The following PNLIPRP3 variants were observed in gnomAD, a reference collection of about 807,000 sequenced individuals.
PNLIPRP3 encodes pancreatic lipase-related protein 3.
A neutral mutation model predicts 52.8 loss-of-function variants in PNLIPRP3; 58 were observed. The observed-to-expected ratio is 1.10, with a 90% CI of 0.89 to 1.37. The LOEUF is 1.37. Among genes scored for constraint, PNLIPRP3 ranks in the 40% most tolerant of loss-of-function variants. PNLIPRP3 has a pLI of 0.00. For missense variants in PNLIPRP3, 593 were observed against 561.6 expected (o/e 1.06, Z -0.57); for synonymous variants, 192 against 185.0 (o/e 1.04, Z -0.31).
Position 116,461,269 on chromosome 10 carries a change from A to G in PNLIPRP3, c.787A>G (p.Asn263Asp). ...CTTAATTACACCTTTACTGAAATTT[A>G]ACTTCAATGCTTACAAAAAAGGTAA... is the stretch of plus-strand genomic sequence containing the variant. ...EDLITPLLKF[N>D]FNAYKKEMAS... Residue 263 changes from asparagine (N) to aspartate (D), a missense_variant, in exon 7 of 12, where the codon AAC becomes GAC. Transcript: ENST00000369230. The G allele has an allele frequency of 6.2e-7, 1 of 1,612,934 alleles. No homozygotes were observed. Among genetic ancestry groups the G allele is most frequent in the Non-Finnish European group, 8.5e-7 (1 of 1,178,886 alleles).
intron 7 of PNLIPRP3, among the ~76,000 whole-genome samples, chr10:116,464,256 C>A (rs1846243145): frequency 1.3e-5 from 2 of 152,164 alleles, no homozygotes; most frequent in African/African-American, 2.4e-5. Context: ...GTTATTCTTG[C>A]AGAAACAGAG....
At chr10:116,469,826 TG>T (rs1369059600) in intron 9 of PNLIPRP3, among the ~76,000 whole-genome samples, 1 of 152,120 alleles carries the variant, frequency 6.6e-6, no homozygotes, top group Admixed American at 6.5e-5. Flanking sequence ...GCTTTGTCTG[TG>T]GGTGAATGGA....
chr10:116,474,323 TA>T (rs1846423799), intron 10 of PNLIPRP3, among the ~76,000 whole-genome samples: 1 of 152,126 alleles, frequency 6.6e-6, no homozygotes, highest in Non-Finnish European at 1.5e-5. Context: ...GACTTAAATG[TA>T]AAACCCAGAA....
intron 5 of PNLIPRP3, among the ~76,000 whole-genome samples, chr10:116,459,408 C>T (rs991900882): frequency 4.6e-5 from 7 of 152,100 alleles, no homozygotes; most frequent in Non-Finnish European, 8.8e-5. Flanking sequence ...TGCTACTCTG[C>T]ATCCTTCCCA....
At chr10:116,441,451 T>G (rs141580938) in intron 2 of PNLIPRP3, among the ~76,000 whole-genome samples, 1 of 152,284 alleles carries the variant, frequency 6.6e-6, no homozygotes, top group East Asian at 1.9e-4. Flanking sequence ...AATGGGACTA[T>G]AGTAGGTGTT....
rs11197686 is a variant in PNLIPRP3, at chr10:116,468,049, C to T, written c.928-1136C>T. On this transcript the variant is annotated intron_variant, in intron 8 of 11. Transcript: ENST00000369230. ...CTGAGGCAGGAGAATGGCATCAACCCGGGAGGCGGAGCTTGCAGTGAGCCA... is the reference window on the plus strand; with the variant it reads ...CTGAGGCAGGAGAATGGCATCAACCTGGGAGGCGGAGCTTGCAGTGAGCCA... Among the ~76,000 whole-genome samples, 779 of 145,244 alleles carry T rather than the reference C, an allele frequency of 5.4e-3. 3 individuals carry two copies. The highest frequency in any genetic ancestry group is 0.019 in the African/African-American group (744 of 38,300).
At chr10:116,467,480 A>G (rs1307754780) in intron 8 of PNLIPRP3, among the ~76,000 whole-genome samples, 1 of 152,200 alleles carries the variant, frequency 6.6e-6, no homozygotes, top group Non-Finnish European at 1.5e-5. Context: ...TTAAAAGTTC[A>G]AAGCCTAAAA....
chr10:116,477,340 C>A lies in PNLIPRP3; in HGVS notation c.*187C>A. The A allele has an allele frequency of 2.3e-6, 1 of 440,036 alleles. No individual in the cohort carries two copies. The highest frequency in any genetic ancestry group is 3.9e-5 in the East Asian group (1 of 25,558). The allele number at this position is 440,036 out of a possible 1,614,324, so 27.3% of individuals were successfully genotyped here. A position where few individuals can be genotyped will look rare whatever the true frequency, so the allele number is the denominator to read the frequency against. On this transcript the variant is annotated 3_prime_UTR_variant, in exon 12 of 12. Coordinates refer to ENST00000369230, the MANE Select transcript of PNLIPRP3 (RefSeq NM_001011709.3). The stretch of plus-strand genomic sequence containing the variant: ...TGTTCATCTAACTGCACCTTAAAAA[C>A]ACACTGAACCCTGGGACAAAAGATA...
At chr10:116,457,586 T>C (rs1846134301) in intron 5 of PNLIPRP3, among the ~76,000 whole-genome samples, 2 of 152,074 alleles carry the variant, frequency 1.3e-5, no homozygotes, top group African/African-American at 2.4e-5. Flanking sequence ...ACCATTCTTA[T>C]TTAGAATAAT....
chr10:116,448,831 C>A (rs896349820), intron 4 of PNLIPRP3, among the ~76,000 whole-genome samples: 1 of 151,934 alleles, frequency 6.6e-6, no homozygotes, highest in African/African-American at 2.4e-5. Context: ...GCCTGGCCAA[C>A]GTGGTGAAAT....
intron 4 of PNLIPRP3, among the ~76,000 whole-genome samples, chr10:116,454,525 C>A (rs1846085096): frequency 6.6e-6 from 1 of 152,180 alleles, no homozygotes; most frequent in South Asian, 2.1e-4. Context: ...GAAACTTATT[C>A]CTCCTGTGTA....
intron 2 of PNLIPRP3, chr10:116,440,011 T>C (rs1845834428): frequency 1.0e-5 from 8 of 770,536 alleles, no homozygotes; most frequent in Middle Eastern, 2.9e-4. Context: ...AGCAGACATC[T>C]TGCCGTTTGG....
intron 8 of PNLIPRP3, among the ~76,000 whole-genome samples, chr10:116,468,944 C>T (rs974083808): frequency 6.6e-6 from 1 of 152,202 alleles, no homozygotes; most frequent in African/African-American, 2.4e-5. Flanking sequence ...TGAGTTTCCT[C>T]TTCCGTGGAT....
chr10:116,429,782 A>T (rs1043911003), intron 1 of PNLIPRP3, among the ~76,000 whole-genome samples: 1 of 152,218 alleles, frequency 6.6e-6, no homozygotes, highest in African/African-American at 2.4e-5. Flanking sequence ...ATGACTACAG[A>T]CAGGATCATC....
chr10:116,443,003 T>C, intron 2 of PNLIPRP3, 52 bp from the exon 3 acceptor site: 1 of 1,378,778 alleles, frequency 7.3e-7, no homozygotes, highest in Non-Finnish European at 9.7e-7. Context: ...CTACTAACTA[T>C]TAAATAATTT....
intron 2 of PNLIPRP3, among the ~76,000 whole-genome samples, chr10:116,439,148 T>A (rs981282874): frequency 7.2e-5 from 11 of 152,218 alleles, no homozygotes; most frequent in African/African-American, 2.4e-5. Context: ...CCACTGAGTT[T>A]GCACTTTAAA....
At chr10:116,460,090 A>T (rs1158028519) in intron 5 of PNLIPRP3, among the ~76,000 whole-genome samples, 2 of 152,156 alleles carry the variant, frequency 1.3e-5, no homozygotes, top group Non-Finnish European at 2.9e-5. Context: ...TTGCAGAAGC[A>T]TGTCCTAGTT....
intron 8 of PNLIPRP3, 85 bp from the exon 9 acceptor site, chr10:116,469,100 T>G: frequency 1.6e-6 from 2 of 1,258,124 alleles, no homozygotes; most frequent in East Asian, 2.8e-5. Context: ...TGGAGATTTA[T>G]TATTATTTAA....
chr10:116,466,202 A>G lies in PNLIPRP3; in HGVS notation c.927+34A>G, dbSNP rs369296777. ...ATCATCTTACTTGGAATTTAATTAT[A>G]AAGTAATTTTTTGAAACACAATCAT... On this transcript the variant is annotated intron_variant, in intron 8 of 11. Transcript: ENST00000369230. 2.8e-5 allele frequency: 42 copies of G among 1,494,130 alleles called. No homozygotes were observed. In the African/African-American group the frequency reaches 5.0e-4, roughly 18 times the overall value. The allele number at this position is 1,494,130 out of a possible 1,614,324, so 92.6% of individuals were successfully genotyped here.
Sources: allele counts gnomAD v4.1 joint callset (sites outside exome capture counted in the v4.1 genomes callset), GRCh38; gene constraint gnomAD v4.1.1; transcripts MANE v1.5; gene names NCBI Gene and HGNC (gene_info 2026-07-23, HGNC 2026-07-21).